The following GRK6 variants were observed in gnomAD, a reference collection of about 807,000 sequenced individuals.
The protein encoded by GRK6 is G protein-coupled receptor kinase 6.
Under a neutral mutation model 80.8 loss-of-function variants are expected in GRK6, and 37 were observed. That is an observed-to-expected ratio of 0.46 (90% CI 0.35 to 0.60). GRK6 has a LOEUF of 0.60. Among genes scored for constraint, GRK6 ranks in the 20% least tolerant of loss-of-function variants. The probability of loss-of-function intolerance (pLI) is 0.00; values close to 1 mark genes in which losing one functional copy is unlikely to be tolerated. For missense variants in GRK6, 560 were observed against 784.6 expected (o/e 0.71, Z 3.42); for synonymous variants, 295 against 320.9 (o/e 0.92, Z 0.86).
intron 8 of GRK6, 64 bp downstream of exon 8, chr5:177,433,740 C>T: frequency 6.3e-7 from 1 of 1,589,226 alleles, no homozygotes. Context: ...GTCCCCACCC[C>T]CCAGGCCCCA....
Position 177,432,319 on chromosome 5 carries a change from G to A in GRK6, c.339+9G>A, listed in dbSNP as rs1359405439. 1.2e-6 allele frequency: 2 copies of A among 1,611,672 alleles called. No individual in the cohort carries two copies. The highest frequency in any genetic ancestry group is 1.7e-6 in the Non-Finnish European group (2 of 1,179,486). On this transcript the variant is annotated intron_variant, in intron 4 of 15. Transcript: ENST00000355472. ...ATTTTCTGAGCCACACGGTGAGTGAGCAGCGATGGAGAGATGATGGGAGCC... is the reference window on the plus strand; with the variant it reads ...ATTTTCTGAGCCACACGGTGAGTGAACAGCGATGGAGAGATGATGGGAGCC...
intron 1 of GRK6, among the ~76,000 whole-genome samples, chr5:177,430,399 G>T (rs77149478): frequency 2.0e-5 from 3 of 152,216 alleles, no homozygotes; most frequent in African/African-American, 7.2e-5. Context: ...TCATTTGAGC[G>T]TCTGATATCT....
chr5:177,431,824 A>C (rs1763903220), intron 2 of GRK6, 171 bp from the exon 3 acceptor site: 1 of 643,962 alleles, frequency 1.6e-6, no homozygotes, highest in Non-Finnish European at 2.7e-6. Context: ...TCACAGCCCC[A>C]AAACAGCTGT....
At chr5:177,441,202 C>A in intron 15 of GRK6, 149 bp downstream of exon 15, 1 of 1,475,578 alleles carries the variant, frequency 6.8e-7, no homozygotes, top group Non-Finnish European at 9.3e-7. Flanking sequence ...TCCCGCCTGT[C>A]CCCCACCCCT....
chr5:177,425,893 C>A (rs1001998624), upstream of GRK6, among the ~76,000 whole-genome samples: 6 of 152,256 alleles, frequency 3.9e-5, no homozygotes, highest in African/African-American at 1.4e-4. Context: ...TGACGTCCGG[C>A]GCCTCAGCTC....
At chr5:177,432,599 C>A in intron 4 of GRK6, 107 bp from the exon 5 acceptor site, 1 of 820,750 alleles carries the variant, frequency 1.2e-6, no homozygotes. Flanking sequence ...ACACCCTGGC[C>A]TGCAGCCTCT....
At chr5:177,432,856 C>A in intron 5 of GRK6, 50 bp downstream of exon 5, 3 of 1,394,182 alleles carry the variant, frequency 2.2e-6, no homozygotes, top group Non-Finnish European at 3.0e-6. Flanking sequence ...GCGGAGGGGG[C>A]TTCTGGGGGC....
intron 4 of GRK6, 39 bp downstream of exon 4, chr5:177,432,349 G>T: frequency 2.5e-6 from 4 of 1,587,384 alleles, no homozygotes; most frequent in Non-Finnish European, 3.5e-6. Context: ...GGAGCCACCA[G>T]AGCCCCGTGT....
Position 177,433,164 on chromosome 5 carries a change from T to C in GRK6, c.458T>C (p.Leu153Pro), listed in dbSNP as rs1318519863. The C allele has an allele frequency of 6.2e-7, 1 of 1,613,910 alleles. No individual in the cohort carries two copies. The highest frequency in any genetic ancestry group is 8.5e-7 in the Non-Finnish European group (1 of 1,180,002). The change falls in exon 6 of 16, where the codon CTG (leucine) becomes CCG (proline). Residue 153 changes from leucine (L) to proline (P), a missense_variant. This residue lies in a region of GRK6 where 189 missense variants were observed against 230.2 expected (regional missense o/e 0.82). Transcript: ENST00000355472. ...QELTRLTHEYLSVAPFADYLD... is the reference protein window; with the variant it reads ...QELTRLTHEYPSVAPFADYLD... ...CTCAACAGGCTGACCCACGAGTACC[T>C]GAGCGTGGCCCCTTTTGCCGACTAC...
intron 13 of GRK6, among the ~76,000 whole-genome samples, chr5:177,440,324 G>C (rs1764408435): frequency 6.6e-6 from 1 of 152,228 alleles, no homozygotes; most frequent in Admixed American, 6.5e-5. Flanking sequence ...GGGAGCCAGG[G>C]AGTCACCAGC....
intron 9 of GRK6, 109 bp from the exon 10 acceptor site, chr5:177,434,793 C>A: frequency 1.6e-6 from 2 of 1,240,100 alleles, no homozygotes; most frequent in Non-Finnish European, 2.3e-6. Context: ...ATGAGTCTCG[C>A]ACCTTGCTCC....
Position 177,434,552 on chromosome 5 carries a change from A to G in GRK6, c.930-350A>G, listed in dbSNP as rs1764054547. 1.3e-5 allele frequency among the ~76,000 whole-genome samples: 2 copies of G among 152,190 alleles called. 1 individual carries two copies. Among genetic ancestry groups the G allele is most frequent in the Middle Eastern group, 6.3e-3 (2 of 316 alleles). ...TTGCCGACTTCCTGTGAACCTCACA[A>G]CAGCCTAGTCAGGGGACGGATGAGT... is the stretch of plus-strand genomic sequence containing the variant. On this transcript the variant is annotated intron_variant, in intron 9 of 15. Transcript: ENST00000355472.
At chr5:177,433,736 AC>A (rs1484392051) in intron 8 of GRK6, 60 bp downstream of exon 8, 12 of 1,590,352 alleles carry the variant, frequency 7.5e-6, no homozygotes, top group South Asian at 2.3e-5. Flanking sequence ...GACCGTCCCC[AC>A]CCCCCAGGCC....
chr5:177,432,288 C>T lies in GRK6; in HGVS notation c.317C>T (p.Thr106Met), dbSNP rs76705113. 31 of 1,612,830 alleles carry T rather than the reference C, an allele frequency of 1.9e-5. No individual in the cohort carries two copies. The highest frequency in any genetic ancestry group is 5.0e-5 in the Admixed American group (3 of 60,016). Residue 106 changes from threonine to methionine, a missense_variant, in exon 4 of 16, where the codon ACG (threonine) becomes ATG (methionine). Thr to Met is a moderately conservative substitution (Grantham distance 81). Around this residue, in one of 3 missense-constraint regions of GRK6, gnomAD observed 189 missense variants for 230.2 expected, o/e 0.82. Transcript: ENST00000355472. ...DKRKACGRQLTQNFLSHTGPD... is the reference protein window; with the variant it reads ...DKRKACGRQLMQNFLSHTGPD... The stretch of plus-strand genomic sequence containing the variant: ...CGGAAGGCATGTGGGCGGCAGCTAA[C>T]GCAGAATTTTCTGAGCCACACGGTG...
chr5:177,437,244 C>T (rs979249981), intron 13 of GRK6, among the ~76,000 whole-genome samples: 6 of 152,164 alleles, frequency 3.9e-5, no homozygotes, highest in Non-Finnish European at 8.8e-5. Context: ...AGTGAGCCAT[C>T]GCGCCTGCCC....
upstream of GRK6, among the ~76,000 whole-genome samples, chr5:177,425,815 A>C (rs1763626614): frequency 6.6e-6 from 1 of 152,206 alleles, no homozygotes; most frequent in South Asian, 2.1e-4. Flanking sequence ...GTTAAGCTAC[A>C]AGGTGTTGAT....
Position 177,426,723 on chromosome 5 carries a change from C to T in GRK6, c.-123C>T. ...GCGGCCGGGGAGGCCGGGGAGGCCG[C>T]GGCGCGGTCACTGCGAGCCGAGCCG... On this transcript the variant is annotated 5_prime_UTR_variant, in exon 1 of 16. Coordinates refer to ENST00000355472, the MANE Select transcript of GRK6 (RefSeq NM_001004106.3). 1 of 405,426 alleles carries T rather than the reference C, an allele frequency of 2.5e-6. No individual in the cohort carries two copies. Among genetic ancestry groups the T allele is most frequent in the African/African-American group, 2.2e-5 (1 of 45,826 alleles). The allele number at this position is 405,426 out of a possible 1,614,324, so 25.1% of individuals were successfully genotyped here. A position where few individuals can be genotyped will look rare whatever the true frequency, so the allele number is the denominator to read the frequency against.
At chr5:177,427,034 C>G in intron 1 of GRK6, 137 bp downstream of exon 1, 1 of 398,542 alleles carries the variant, frequency 2.5e-6, no homozygotes, top group Non-Finnish European at 4.0e-6. Context: ...CAGACACGAG[C>G]CTTTCCGGCC....
intron 1 of GRK6, among the ~76,000 whole-genome samples, chr5:177,427,687 C>A (rs1399983219): frequency 6.6e-6 from 1 of 152,162 alleles, no homozygotes; most frequent in African/African-American, 2.4e-5. Flanking sequence ...CAGTCTGCCC[C>A]CACCTGCCAC....
Sources: allele counts gnomAD v4.1 joint callset (sites outside exome capture counted in the v4.1 genomes callset), GRCh38; gene constraint gnomAD v4.1.1; regional missense constraint gnomAD v4.1.1; transcripts MANE v1.5; gene names NCBI Gene and HGNC (gene_info 2026-07-23, HGNC 2026-07-21).